DSP: variants seen among roughly 807,000 people sequenced by gnomAD.
DSP encodes the protein desmoplakin.
Under a neutral mutation model 290.6 loss-of-function variants are expected in DSP, and 114 were observed. The ratio of observed to expected loss-of-function variants is 0.39; its 90% confidence interval spans 0.34 to 0.46. The LOEUF is 0.46. DSP is among the 20% of genes least tolerant of loss of function. DSP has a pLI of 0.99. For missense variants in DSP, 3,230 were observed against 3,495.8 expected (o/e 0.92, Z 1.92); for synonymous variants, 1,311 against 1,316.4 (o/e 1.00, Z 0.09).
In DSP at chr6:7,568,521, C is replaced by G. The variant is rs1057518309; in HGVS notation, c.1351C>G (p.Arg451Gly). 6.2e-7 allele frequency: 1 copy of G among 1,614,104 alleles called. No individual in the cohort carries two copies. The highest frequency in any genetic ancestry group is 8.5e-7 in the Non-Finnish European group (1 of 1,180,038). Reference protein sequence around the residue: ...KSKKIVQLKPRNPDYRSNKPI... With the variant: ...KSKKIVQLKPGNPDYRSNKPI... ...TAAGAAGATTGTACAGCTGAAGCCT[C>G]GTAACCCAGACTACAGAAGCAATAA... The change falls in exon 11 of 24, where the codon CGT becomes GGT. Residue 451 changes from arginine (R) to glycine (G), a missense_variant. Arg to Gly is a moderately radical substitution (Grantham distance 125). Around this residue, in one of 5 missense-constraint regions of DSP, gnomAD observed 646 missense variants for 684.3 expected, o/e 0.94. Transcript: ENST00000379802.
At chr6:7,545,317 G>C (rs990816409) in intron 1 of DSP, among the ~76,000 whole-genome samples, 1 of 152,144 alleles carries the variant, frequency 6.6e-6, no homozygotes, top group African/African-American at 2.4e-5. Context: ...AGAGCGGGGG[G>C]ACCCCTAAGG....
At chr6:7,554,274 A>G (rs1758437787) in intron 1 of DSP, among the ~76,000 whole-genome samples, 1 of 152,196 alleles carries the variant, frequency 6.6e-6, no homozygotes, top group African/African-American at 2.4e-5. Context: ...CTCTGAAACC[A>G]AACTACAGTA....
At chr6:7,567,702 C>T (rs1758904612) in intron 9 of DSP, 79 bp from the exon 10 acceptor site, 4 of 1,600,288 alleles carry the variant, frequency 2.5e-6, no homozygotes, top group Non-Finnish European at 3.4e-6. Flanking sequence ...TTAGGGATGA[C>T]AATCCTTGAA....
intron 1 of DSP, among the ~76,000 whole-genome samples, chr6:7,554,154 AAGC>A (rs1758434554): frequency 7.6e-6 from 1 of 132,240 alleles, no homozygotes; most frequent in Non-Finnish European, 1.6e-5. Flanking sequence ...CATCAGATAA[AAGC>A]AGGCTCAGGC....
chr6:7,584,189 G>A lies in DSP; in HGVS notation c.6927G>A (p.Arg2309=), dbSNP rs747248981. ...TAGTGGATCCTGTTAGCAACTTGAG[G>A]TTACCAGTGGAGGAAGCCTACAAGA... The part of the protein sequence containing the change: ...GFIVDPVSNL[R]LPVEEAYKRG... Residue 2309 remains arginine (R), a synonymous_variant, in exon 24 of 24, where the codon AGG becomes AGA. Transcript: ENST00000379802. The surrounding 1 kb of genome is among the most constrained non-coding windows in gnomAD (Gnocchi z 6.4). 2.2e-5 allele frequency: 35 copies of A among 1,614,062 alleles called. No individual in the cohort carries two copies. The highest frequency in any genetic ancestry group is 7.7e-5 in the South Asian group (7 of 91,084).
chr6:7,575,505 C>A lies in DSP; in HGVS notation c.2630+17C>A. On this transcript the variant is annotated intron_variant, in intron 18 of 23. Transcript: ENST00000379802. ...CGACTTTAGGTATGCCAGCCTCCTCCCGCTCCTTCCCCATCTTCTCCCCTT... is the reference window on the plus strand; with the variant it reads ...CGACTTTAGGTATGCCAGCCTCCTCACGCTCCTTCCCCATCTTCTCCCCTT... 2 of 1,613,974 alleles carry A rather than the reference C, an allele frequency of 1.2e-6. No homozygotes were observed. Among genetic ancestry groups the A allele is most frequent in the Non-Finnish European group, 1.7e-6 (2 of 1,179,898 alleles).
chr6:7,541,888 T>C lies in DSP; in HGVS notation c.-28T>C. ...GCCCGCCTCGCTTATGCCTCGGCGC[T>C]GAGCCGCTCTCCCGATTGCCCGCCG... On this transcript the variant is annotated 5_prime_UTR_variant, in exon 1 of 24. An upstream open reading frame in the 5' UTR loses its in-frame stop. Coordinates refer to ENST00000379802, the MANE Select transcript of DSP (RefSeq NM_004415.4). The C allele has an allele frequency of 6.3e-7, 1 of 1,599,628 alleles. No homozygotes were observed. Among genetic ancestry groups the C allele is most frequent in the Non-Finnish European group, 8.5e-7 (1 of 1,175,324 alleles).
intron 3 of DSP, 73 bp downstream of exon 3, chr6:7,558,337 C>T: frequency 6.4e-7 from 1 of 1,559,482 alleles, no homozygotes; most frequent in Non-Finnish European, 8.7e-7. Flanking sequence ...CACTCAATTC[C>T]ATGACCCAGG....
In DSP at chr6:7,575,497, GCCT is replaced by G; in HGVS notation, c.2630+15_2630+17del. ...AAACAGATCGACTTTAGGTATGCCA[GCCT>G]CCTCCCGCTCCTTCCCCATCTTCTC... On this transcript the variant is annotated intron_variant, in intron 18 of 23. Transcript: ENST00000379802. The G allele has an allele frequency of 6.2e-7, 1 of 1,614,108 alleles. No homozygotes were observed. Among genetic ancestry groups the G allele is most frequent in the East Asian group, 2.2e-5 (1 of 44,884 alleles).
At position 7,578,737 on chromosome 6, in the gene DSP, C is replaced by T. The variant is rs2744378; in HGVS notation, c.3084+175C>T. Among the ~76,000 whole-genome samples the T allele has an allele frequency of 0.68, 103,680 of 152,068 alleles. 35,641 individuals are homozygous for T. The highest frequency in any genetic ancestry group is 0.8 in the East Asian group (4,120 of 5,172). On this transcript the variant is annotated intron_variant, in intron 22 of 23. Coordinates refer to ENST00000379802, the MANE Select transcript of DSP (RefSeq NM_004415.4). ...CTGGGGTTACTTCCATGCTCCAATA[C>T]GCTGCTTTAAATGAACTTAAGTAAT...
chr6:7,581,158 G>A lies in DSP; in HGVS notation c.4968G>A (p.Arg1656=). The change falls in exon 23 of 24, where the codon AGG becomes AGA. Residue 1656 remains arginine, a synonymous_variant. Transcript: ENST00000379802. ...AGAGGACCCAGGAAGAGCTGAGGAG[G>A]CTCTCTTCTGAGGTCGAGGCCCTGA... ...EKQRTQEELR[R]LSSEVEALRR... is the part of the protein sequence containing the mutation. The A allele has an allele frequency of 1.2e-6, 2 of 1,614,194 alleles. No homozygotes were observed. Among genetic ancestry groups the A allele is most frequent in the South Asian group, 2.2e-5 (2 of 91,092 alleles).
At position 7,541,958 on chromosome 6, in the gene DSP, G is replaced by A; in HGVS notation, c.43G>A (p.Gly15Ser). 1 of 1,609,142 alleles carries A rather than the reference G, an allele frequency of 6.2e-7. No homozygotes were observed. Among genetic ancestry groups the A allele is most frequent in the Non-Finnish European group, 8.5e-7 (1 of 1,178,650 alleles). Residue 15 changes from glycine (G) to serine (S), a missense_variant, in exon 1 of 24, where the codon GGC (glycine) becomes AGC (serine). Physicochemically the swap from Gly to Ser is moderately conservative, Grantham distance 56. Coordinates refer to ENST00000379802, the MANE Select transcript of DSP (RefSeq NM_004415.4). ...CTCCCACCCGCGGATCAACACTCTG[G>A]GCCGCATGATCCGCGCCGAGTCTGG... ...GGSHPRINTL[G>S]RMIRAESGPD... is the part of the protein sequence containing the mutation.
chr6:7,575,330 G>T lies in DSP; in HGVS notation c.2472G>T (p.Leu824Phe). The change falls in exon 18 of 24, where the codon TTG (leucine) becomes TTT (phenylalanine). Residue 824 changes from leucine (L) to phenylalanine (F), a missense_variant. Transcript: ENST00000379802. ...IKNDLNLKKS[L>F]LATMKTELQK... is the part of the protein sequence containing the mutation. The stretch of plus-strand genomic sequence containing the variant: ...ATGACTTGAACTTGAAGAAGTCGTT[G>T]TTGGCCACTATGAAGACAGAACTAC... The T allele has an allele frequency of 6.2e-7, 1 of 1,613,306 alleles. No homozygotes were observed. Among genetic ancestry groups the T allele is most frequent in the Non-Finnish European group, 8.5e-7 (1 of 1,179,910 alleles).
rs1346398330 is a variant in DSP at position 7,584,713 on chromosome 6, A to G, written c.7451A>G (p.Lys2484Arg). The change falls in exon 24 of 24, where the codon AAG becomes AGG. Residue 2484 changes from lysine to arginine, a missense_variant. Lys to Arg is a conservative substitution (Grantham distance 26). This residue lies in a region of DSP where 582 missense variants were observed against 555.4 expected (regional missense o/e 1.05). Transcript: ENST00000379802. The surrounding 1 kb of genome is among the most constrained non-coding windows in gnomAD (Gnocchi z 6.4). ...GAAATGTCTGTTCAGGAGGCCTACA[A>G]GAAGGGCCTAATTGATTATGAAACC... The part of the protein sequence containing the change: ...NKEMSVQEAY[K>R]KGLIDYETFK... The G allele has an allele frequency of 4.3e-6, 7 of 1,614,222 alleles. No homozygotes were observed. The highest frequency in any genetic ancestry group is 5.9e-6 in the Non-Finnish European group (7 of 1,180,038).
intron 19 of DSP, among the ~76,000 whole-genome samples, 185 bp from the exon 20 acceptor site, chr6:7,576,774 T>G (rs1350319651): frequency 6.6e-6 from 1 of 152,204 alleles, no homozygotes; most frequent in Non-Finnish European, 1.5e-5. Flanking sequence ...TTAAAGGGCT[T>G]GCTTCTCTTC....
chr6:7,576,285 TC>T lies in DSP; in HGVS notation c.2631-3del. On this transcript the variant is annotated splice_region_variant and splice_polypyrimidine_tract_variant and intron_variant, in intron 18 of 23. Transcript: ENST00000379802. ...AGATAATGATTTTATTGTATCTATT[TC>T]CCCCCAGGTTATGGGACCTGGAGAA... 6.2e-7 allele frequency: 1 copy of T among 1,612,994 alleles called. No homozygotes were observed. Among genetic ancestry groups the T allele is most frequent in the Non-Finnish European group, 8.5e-7 (1 of 1,179,040 alleles).
intron 11 of DSP, 25 bp from the exon 12 acceptor site, chr6:7,569,161 A>G: frequency 1.2e-6 from 2 of 1,614,164 alleles, no homozygotes; most frequent in Non-Finnish European, 1.7e-6. Flanking sequence ...AATAAAGCCA[A>G]ACCCTGGGGT....
In DSP at chr6:7,586,470, T is replaced by C. The variant is rs1759681060; in HGVS notation, c.*592T>C. 1.3e-5 allele frequency: 2 copies of C among 152,310 alleles called. No homozygotes were observed. The highest frequency in any genetic ancestry group is 4.8e-5 in the African/African-American group (2 of 41,458). 9.4% of individuals were successfully genotyped at this position (152,310 alleles called of 1,614,324 possible). ...GACTGTGCATGACAGCGGCAATCTT[T>C]TCTTTGGTCAAAGTTTTCTGTTTAT... On this transcript the variant is annotated 3_prime_UTR_variant, in exon 24 of 24. Transcript: ENST00000379802.
At chr6:7,558,608 G>A (rs527374960) in intron 3 of DSP, among the ~76,000 whole-genome samples, 1 of 148,634 alleles carries the variant, frequency 6.7e-6, no homozygotes, top group South Asian at 2.1e-4. Context: ...TCAACCTCCT[G>A]GGCTCAAGCA....
Sources: allele counts gnomAD v4.1 joint callset (sites outside exome capture counted in the v4.1 genomes callset), GRCh38; gene constraint gnomAD v4.1.1; regional missense constraint gnomAD v4.1.1; non-coding constraint Gnocchi (gnomAD v3.1); transcripts MANE v1.5; gene names NCBI Gene and HGNC (gene_info 2026-07-23, HGNC 2026-07-21).